NKAIN2: variants seen among roughly 807,000 people sequenced by gnomAD.
NKAIN2 encodes sodium/potassium-transporting ATPase subunit beta-1-interacting protein 2.
NKAIN2 carries 14 observed loss-of-function variants against 32.6 expected under a neutral mutation model. The observed-to-expected ratio is 0.43, with a 90% CI of 0.28 to 0.67. The LOEUF (loss-of-function observed/expected upper bound fraction) is 0.67, where lower values mean the gene tolerates loss of function less well. Among genes scored for constraint, NKAIN2 ranks in the 30% least tolerant of loss-of-function variants. The pLI is 0.17. For missense variants in NKAIN2, 198 were observed against 258.3 expected, an observed-to-expected ratio of 0.77 and a Z score of 1.60; for synonymous variants, 80 against 87.2, an observed-to-expected ratio of 0.92 and a Z score of 0.46.
intron 4 of NKAIN2, among the ~76,000 whole-genome samples, chr6:124,699,734 T>C (rs117848331): frequency 0.03 from 4,615 of 152,254 alleles, 92 homozygotes; most frequent in East Asian, 0.071. Flanking sequence ...GCCAGCATCA[T>C]GCTTCCTGTA....
intron 3 of NKAIN2, among the ~76,000 whole-genome samples, chr6:124,527,276 C>T (rs1053060080): frequency 1.3e-5 from 2 of 152,122 alleles, no homozygotes; most frequent in Non-Finnish European, 2.9e-5. Flanking sequence ...TCTGGCAAAA[C>T]ACCACATAAC....
In NKAIN2 at chr6:124,438,158, T is replaced by C. The variant is rs1775540860; in HGVS notation, c.273+82811T>C. On this transcript the variant is annotated intron_variant, in intron 3 of 6. Transcript: ENST00000368417. ...TTATTGGAAAATTTGACATAATTTG[T>C]AATCTGAGAAAGAAAACCAAAATTT... Among the ~76,000 whole-genome samples, 7 of 152,164 alleles carry C rather than the reference T, an allele frequency of 4.6e-5. No individual in the cohort carries two copies. The South Asian group carries it at 1.4e-3, about 31-fold the overall frequency.
Position 124,001,274 on chromosome 6 carries a change from A to G in NKAIN2, c.54+197020A>G, listed in dbSNP as rs987420165. On this transcript the variant is annotated intron_variant, in intron 1 of 6. Coordinates refer to ENST00000368417, the MANE Select transcript of NKAIN2 (RefSeq NM_001040214.3). ...AATCAGACTATGTACAGAGCTATTC[A>G]GCTCTGAAAACTGTGATAACTTGCT... 2.0e-5 allele frequency among the ~76,000 whole-genome samples: 3 copies of G among 152,032 alleles called. No individual in the cohort carries two copies. In the East Asian group the frequency reaches 5.8e-4, roughly 29 times the overall value.
intron 1 of NKAIN2, among the ~76,000 whole-genome samples, chr6:124,174,309 A>G (rs1159163129): frequency 6.6e-6 from 1 of 152,150 alleles, no homozygotes; most frequent in African/African-American, 2.4e-5. Context: ...CACTAAAAGC[A>G]CCTTTCAACT....
At chr6:124,422,102 A>T (rs1041554069) in intron 3 of NKAIN2, among the ~76,000 whole-genome samples, 1 of 152,110 alleles carries the variant, frequency 6.6e-6, no homozygotes, top group Non-Finnish European at 1.5e-5. Flanking sequence ...ATAATTTGAG[A>T]GGTATTAAAT....
intron 4 of NKAIN2, among the ~76,000 whole-genome samples, chr6:124,690,972 T>G (rs1774229027): frequency 6.6e-6 from 1 of 152,122 alleles, no homozygotes; most frequent in Non-Finnish European, 1.5e-5. Flanking sequence ...CTTTTCAATG[T>G]GCCTGGAGTA....
chr6:124,236,439 A>T (rs1045100376), intron 1 of NKAIN2, among the ~76,000 whole-genome samples: 2 of 152,156 alleles, frequency 1.3e-5, no homozygotes, highest in African/African-American at 4.8e-5. Flanking sequence ...AGGGCAGAGG[A>T]TGGTCCAAGT....
In NKAIN2 at chr6:124,777,795, A is replaced by G. The variant is rs2114775382; in HGVS notation, c.475-13544A>G. Among the ~76,000 whole-genome samples, 5 of 152,238 alleles carry G rather than the reference A, an allele frequency of 3.3e-5. No homozygotes were observed. The Middle Eastern group carries it at 0.017, about 518-fold the overall frequency. On this transcript the variant is annotated intron_variant, in intron 4 of 6. Coordinates refer to ENST00000368417, the MANE Select transcript of NKAIN2 (RefSeq NM_001040214.3). ...GTGGAGGAAAGAGGTGAGGTATAAA[A>G]AATTTCTCTTACATTGTCTAATTTT...
chr6:124,469,073 A>C (rs550271605), intron 3 of NKAIN2, among the ~76,000 whole-genome samples: 1 of 152,156 alleles, frequency 6.6e-6, no homozygotes, highest in Non-Finnish European at 1.5e-5. Context: ...CCCAGAGAAC[A>C]CCATGTGAAT....
At chr6:123,836,179 G>A (rs1051401516) in intron 1 of NKAIN2, among the ~76,000 whole-genome samples, 1 of 151,908 alleles carries the variant, frequency 6.6e-6, no homozygotes, top group Non-Finnish European at 1.5e-5. Context: ...TTTAGAACTC[G>A]CTACTCTGGA....
At chr6:124,620,984 TCTCA>T (rs1288578450) in intron 3 of NKAIN2, among the ~76,000 whole-genome samples, 2 of 152,180 alleles carry the variant, frequency 1.3e-5, no homozygotes, top group Admixed American at 6.5e-5. Flanking sequence ...CTTTTTTCTC[TCTCA>T]CTCACTACAA....
intron 3 of NKAIN2, among the ~76,000 whole-genome samples, chr6:124,482,916 C>T (rs999253254): frequency 6.6e-6 from 1 of 152,134 alleles, no homozygotes; most frequent in African/African-American, 2.4e-5. Context: ...GGGCGGATCA[C>T]GAGGTCAGGA....
chr6:124,270,727 A>G (rs865993711), intron 1 of NKAIN2, among the ~76,000 whole-genome samples: 1 of 152,206 alleles, frequency 6.6e-6, no homozygotes, highest in East Asian at 1.9e-4. Flanking sequence ...TAGGCAACCC[A>G]TCATCCCTCA....
chr6:124,807,892 G>T (rs1288903918), intron 5 of NKAIN2, among the ~76,000 whole-genome samples: 1 of 150,614 alleles, frequency 6.6e-6, no homozygotes, highest in African/African-American at 2.4e-5. Flanking sequence ...AGAAGAAATG[G>T]ATGAATTCCT....
At chr6:124,210,731 G>GT (rs1028013875) in intron 1 of NKAIN2, among the ~76,000 whole-genome samples, 30 of 148,770 alleles carry the variant, frequency 2.0e-4, no homozygotes, top group African/African-American at 5.2e-4. Flanking sequence ...TTTGTTTTTT[G>GT]TTTTTTTTCA....
At chr6:124,464,549 TTATAG>T (rs1436119475) in intron 3 of NKAIN2, among the ~76,000 whole-genome samples, 1 of 152,070 alleles carries the variant, frequency 6.6e-6, no homozygotes, top group Non-Finnish European at 1.5e-5. Flanking sequence ...TTGCTTAATG[TTATAG>T]TATACATGCC....
At chr6:124,653,468 A>G (rs1446637394) in intron 3 of NKAIN2, among the ~76,000 whole-genome samples, 3 of 129,852 alleles carry the variant, frequency 2.3e-5, no homozygotes, top group Admixed American at 7.9e-5. Context: ...AAAAAAAAAA[A>G]TCTAGACACA....
At chr6:124,374,138 G>T (rs180808737) in intron 3 of NKAIN2, among the ~76,000 whole-genome samples, 1 of 152,216 alleles carries the variant, frequency 6.6e-6, no homozygotes, top group Admixed American at 6.5e-5. Context: ...TAAGAAAAGG[G>T]ACAGTGAATC....
intron 3 of NKAIN2, among the ~76,000 whole-genome samples, chr6:124,427,188 G>A (rs1046639334): frequency 2.4e-4 from 36 of 152,116 alleles, no homozygotes; most frequent in African/African-American, 8.7e-4. Context: ...AAAAGTGTAT[G>A]ACAATATAAT....
Sources: allele counts gnomAD v4.1 joint callset (sites outside exome capture counted in the v4.1 genomes callset), GRCh38; gene constraint gnomAD v4.1.1; transcripts MANE v1.5; gene names NCBI Gene and HGNC (gene_info 2026-07-23, HGNC 2026-07-21).